The following SGCZ variants were observed in gnomAD, a reference collection of about 807,000 sequenced individuals.
SGCZ encodes the protein zeta-sarcoglycan.
A neutral mutation model predicts 41.3 loss-of-function variants in SGCZ; 40 were observed. The ratio of observed to expected loss-of-function variants is 0.97; its 90% CI spans 0.75 to 1.26. The LOEUF is 1.26. SGCZ is among the 50% of genes most tolerant of loss of function. The pLI, the probability that SGCZ is intolerant of heterozygous loss-of-function variation, is 0.00. For missense variants in SGCZ, 552 were observed against 369.8 expected, an observed-to-expected ratio of 1.49 and a Z score of -4.04; for synonymous variants, 206 against 137.5, an observed-to-expected ratio of 1.50 and a Z score of -3.49.
intron 2 of SGCZ, among the ~76,000 whole-genome samples, chr8:14,483,750 A>G (rs1801597655): frequency 6.6e-6 from 1 of 152,198 alleles, no homozygotes; most frequent in East Asian, 1.9e-4. Context: ...ACAGGTTTCA[A>G]TTAAGGTAAA....
intron 1 of SGCZ, among the ~76,000 whole-genome samples, chr8:14,564,029 A>G (rs925315274): frequency 1.3e-5 from 2 of 152,226 alleles, no homozygotes; most frequent in Non-Finnish European, 2.9e-5. Flanking sequence ...ATTAAAATAT[A>G]AATTGAGCCT....
At chr8:15,123,411 T>C (rs1421587714) in intron 1 of SGCZ, among the ~76,000 whole-genome samples, 1 of 152,190 alleles carries the variant, frequency 6.6e-6, no homozygotes, top group Non-Finnish European at 1.5e-5. Context: ...CAACACTTTG[T>C]TGGAAAACAC....
intron 1 of SGCZ, among the ~76,000 whole-genome samples, chr8:14,837,283 A>G (rs10093567): frequency 0.43 from 64,826 of 152,086 alleles, 14,224 homozygotes; most frequent in East Asian, 0.57. Context: ...AAAGATCACA[A>G]TGAAGAAATG....
At chr8:14,980,978 T>C (rs576974409) in intron 1 of SGCZ, among the ~76,000 whole-genome samples, 4 of 152,280 alleles carry the variant, frequency 2.6e-5, no homozygotes, top group East Asian at 1.9e-4. Flanking sequence ...AGATGCACAA[T>C]AGCATTCCCT....
chr8:14,596,725 G>A (rs372501937), intron 1 of SGCZ, among the ~76,000 whole-genome samples: 1 of 151,786 alleles, frequency 6.6e-6, no homozygotes, highest in Non-Finnish European at 1.5e-5. Flanking sequence ...AATCATGTGG[G>A]GCTTAAAACC....
chr8:14,480,169 A>T (rs1416942266), intron 2 of SGCZ, among the ~76,000 whole-genome samples: 1 of 152,250 alleles, frequency 6.6e-6, no homozygotes, highest in Non-Finnish European at 1.5e-5. Flanking sequence ...ACAGTTTTCA[A>T]GATGACTAAT....
intron 3 of SGCZ, among the ~76,000 whole-genome samples, chr8:14,277,768 A>C (rs6530746): frequency 0.27 from 40,807 of 151,932 alleles, 5,833 homozygotes; most frequent in South Asian, 0.45. Context: ...ACCCCAAGTG[A>C]GGGGAGGAAT....
chr8:14,153,663 T>C lies in SGCZ; in HGVS notation c.547+10917A>G, dbSNP rs984494331. Among the ~76,000 whole-genome samples the C allele has an allele frequency of 2.6e-5, 4 of 152,060 alleles. No homozygotes were observed. The East Asian group carries it at 7.7e-4, about 29-fold the overall frequency. ...TGGAATTCAGCTACTATAAACCCCC[T>C]ACCAAGCCAACTGATACTCAAGGGA... is the stretch of plus-strand genomic sequence containing the variant. On this transcript the variant is annotated intron_variant, in intron 5 of 7. Coordinates refer to ENST00000382080, the MANE Select transcript of SGCZ (RefSeq NM_139167.4).
intron 3 of SGCZ, among the ~76,000 whole-genome samples, chr8:14,239,058 C>T (rs1163578042): frequency 6.6e-6 from 1 of 151,392 alleles, no homozygotes; most frequent in Non-Finnish European, 1.5e-5. Flanking sequence ...GTGTAACTAC[C>T]TACAGACACT....
chr8:15,039,941 A>T (rs1022917962), intron 1 of SGCZ, among the ~76,000 whole-genome samples: 1 of 152,220 alleles, frequency 6.6e-6, no homozygotes, highest in Non-Finnish European at 1.5e-5. Context: ...ACTGACTTAA[A>T]GTAGCAGGGA....
At chr8:14,506,808 C>T (rs778127610) in intron 2 of SGCZ, among the ~76,000 whole-genome samples, 1 of 152,104 alleles carries the variant, frequency 6.6e-6, no homozygotes, top group Non-Finnish European at 1.5e-5. Flanking sequence ...CTTGAAAATC[C>T]TGTTTGACTT....
intron 1 of SGCZ, among the ~76,000 whole-genome samples, chr8:14,661,569 C>G (rs1302311404): frequency 6.6e-6 from 1 of 151,988 alleles, no homozygotes; most frequent in Non-Finnish European, 1.5e-5. Flanking sequence ...ATTGGTCATC[C>G]CTGACTTCTT....
chr8:14,560,641 T>C (rs965508302), intron 1 of SGCZ, among the ~76,000 whole-genome samples: 1 of 152,132 alleles, frequency 6.6e-6, no homozygotes, highest in Non-Finnish European at 1.5e-5. Context: ...TTTCTACAAA[T>C]TATATTTCAA....
intron 1 of SGCZ, among the ~76,000 whole-genome samples, chr8:14,891,515 T>C (rs1024327965): frequency 1.3e-5 from 2 of 152,152 alleles, no homozygotes; most frequent in Non-Finnish European, 2.9e-5. Context: ...TTACTTCTTA[T>C]GGATGAGCAA....
chr8:14,873,559 C>A (rs78702384), intron 1 of SGCZ, among the ~76,000 whole-genome samples: 4,731 of 152,168 alleles, frequency 0.031, 226 homozygotes, highest in African/African-American at 0.11. Flanking sequence ...GTAGCCGTTA[C>A]ATGACTATGC....
intron 1 of SGCZ, among the ~76,000 whole-genome samples, chr8:15,189,948 T>C (rs1800477527): frequency 6.6e-6 from 1 of 152,196 alleles, no homozygotes; most frequent in Admixed American, 6.5e-5. Flanking sequence ...TGTTCCACAG[T>C]CTAAAAGCCT....
intron 3 of SGCZ, among the ~76,000 whole-genome samples, chr8:14,289,443 T>C (rs1800765207): frequency 6.6e-6 from 1 of 152,084 alleles, no homozygotes; most frequent in South Asian, 2.1e-4. Flanking sequence ...GAGACAATTG[T>C]TCAATATAGT....
chr8:14,370,551 T>C (rs73664330), intron 2 of SGCZ, among the ~76,000 whole-genome samples: 10,483 of 151,990 alleles, frequency 0.069, 1,084 homozygotes, highest in African/African-American at 0.22. Context: ...CCTAAATCTT[T>C]ATATTCTTAC....
rs1803977796 is a variant in SGCZ, at chr8:14,554,740, A to C, written c.226T>G (p.Phe76Val). 2 of 1,612,118 alleles carry C rather than the reference A, an allele frequency of 1.2e-6. No individual in the cohort carries two copies. The highest frequency in any genetic ancestry group is 1.7e-6 in the Non-Finnish European group (2 of 1,178,912). The change falls in exon 2 of 8, where the codon TTC (phenylalanine) becomes GTC (valine). Residue 76 changes from phenylalanine (F) to valine (V), a missense_variant. Transcript: ENST00000382080. ...MTIWILKVMN[F>V]TVDGMGNLRV... ...ATCATAGTGGTACTTACCACAGTGA[A>C]ATTCATAACTTTCAATATCCATATT...
Sources: gnomAD v4.1 joint callset for allele counts (sites outside exome capture counted in the v4.1 genomes callset) on GRCh38, gnomAD v4.1.1 for gene constraint, MANE v1.5 for transcripts, NCBI Gene and HGNC (gene_info 2026-07-23, HGNC 2026-07-21) for gene names.